FAM210A: variants seen among roughly 807,000 people sequenced by gnomAD.
FAM210A encodes the protein mitochondrial inner membrane scaffold 1.
In FAM210A, 13 loss-of-function variants were observed where a neutral mutation model predicts 25.3. That is an observed-to-expected ratio of 0.51 (90% CI 0.33 to 0.82). The LOEUF is 0.82. Among genes scored for constraint, FAM210A ranks in the 40% least tolerant of loss-of-function variants. The probability of loss-of-function intolerance (pLI) is 0.02; values close to 1 mark genes in which losing one functional copy is unlikely to be tolerated. For synonymous variants in FAM210A, 125 were observed against 118.7 expected, an observed-to-expected ratio of 1.05 and a Z score of -0.35; for missense variants, 319 against 323.2, an observed-to-expected ratio of 0.99 and a Z score of 0.10.
At chr18:13,694,217 A>G (rs2043673819) in intron 1 of FAM210A, among the ~76,000 whole-genome samples, 2 of 152,114 alleles carry the variant, frequency 1.3e-5, no homozygotes, top group South Asian at 4.1e-4. Flanking sequence ...TGCTTAACGA[A>G]ATAAAAGAGG....
intron 3 of FAM210A, among the ~76,000 whole-genome samples, chr18:13,667,020 A>G (rs909024397): frequency 6.6e-6 from 1 of 152,240 alleles, no homozygotes; most frequent in Non-Finnish European, 1.5e-5. Context: ...AATCAGAAAG[A>G]GGACTCAGTA....
intron 1 of FAM210A, among the ~76,000 whole-genome samples, chr18:13,688,387 C>T (rs189599326): frequency 2.0e-5 from 3 of 152,290 alleles, no homozygotes; most frequent in East Asian, 3.9e-4. Flanking sequence ...AGTGGCTGGA[C>T]GTCAGGAAAA....
intron 1 of FAM210A, among the ~76,000 whole-genome samples, chr18:13,702,714 T>G (rs1488142911): frequency 6.6e-6 from 1 of 152,214 alleles, no homozygotes; most frequent in African/African-American, 2.4e-5. Flanking sequence ...CAGTAGCTCA[T>G]GTTTTCTCTT....
Position 13,663,890 on chromosome 18 carries a change from T to TC in FAM210A, c.*2589dup, listed in dbSNP as rs768853352. 4.6e-5 allele frequency: 7 copies of TC among 152,226 alleles called. No individual in the cohort carries two copies. The highest frequency in any genetic ancestry group is 1.0e-4 in the Non-Finnish European group (7 of 68,052). The allele number at this position is 152,226 out of a possible 1,614,324, so 9.4% of individuals were successfully genotyped here. On this transcript the variant is annotated 3_prime_UTR_variant, in exon 4 of 4. Coordinates refer to ENST00000651643, the MANE Select transcript of FAM210A (RefSeq NM_152352.4). Reference sequence around the variant, plus strand: ...GCTGCTTCTGCCGAGCACTCGCAGTTCACAGAGGTTATAGGTGAATTAATC... The same window carrying TC: ...GCTGCTTCTGCCGAGCACTCGCAGTTCCACAGAGGTTATAGGTGAATTAATC...
chr18:13,712,882 T>C (rs1344789002), intron 1 of FAM210A, among the ~76,000 whole-genome samples: 1 of 152,214 alleles, frequency 6.6e-6, no homozygotes, highest in Non-Finnish European at 1.5e-5. Context: ...AGCTGCAGTA[T>C]ACAAAGACTG....
intron 2 of FAM210A, among the ~76,000 whole-genome samples, chr18:13,674,027 A>G (rs868429620): frequency 8.0e-5 from 12 of 150,316 alleles, no homozygotes; most frequent in African/African-American, 2.7e-4. Context: ...CCTGATTATT[A>G]ACATTCCTGA....
At chr18:13,725,687 T>C (rs544160057) in intron 1 of FAM210A, among the ~76,000 whole-genome samples, 163 of 152,324 alleles carry the variant, frequency 1.1e-3, no homozygotes, top group African/African-American at 3.8e-3. Flanking sequence ...TGATCTCAGG[T>C]TGAAAGTCCT....
intron 1 of FAM210A, among the ~76,000 whole-genome samples, chr18:13,684,547 G>A (rs2043580791): frequency 6.6e-6 from 1 of 152,112 alleles, no homozygotes; most frequent in Non-Finnish European, 1.5e-5. Flanking sequence ...TATACCTAAC[G>A]AGAGGATCAA....
rs775389964 is a variant in FAM210A, at chr18:13,671,951, G to C, written c.496C>G (p.Leu166Val). 6.2e-7 allele frequency: 1 copy of C among 1,604,454 alleles called. No individual in the cohort carries two copies. The highest frequency in any genetic ancestry group is 1.1e-5 in the South Asian group (1 of 90,604). Residue 166 changes from leucine (L) to valine (V), a missense_variant, in exon 3 of 4, where the codon CTA becomes GTA. Transcript: ENST00000651643. ...CTGTCAGGTAACCCAATGAGTTCTAGAAAAGGAACGACATTCACTCCTCTA... is the reference window on the plus strand; with the variant it reads ...CTGTCAGGTAACCCAATGAGTTCTACAAAAGGAACGACATTCACTCCTCTA... ...ALKGVNVVPF[L>V]ELIGLPDSVV...
chr18:13,690,619 T>C (rs2149060814), intron 1 of FAM210A, among the ~76,000 whole-genome samples: 1 of 152,348 alleles, frequency 6.6e-6, no homozygotes, highest in Admixed American at 6.5e-5. Flanking sequence ...CTGCAGCCTC[T>C]GCTGGTGATA....
chr18:13,721,940 A>C (rs1289689411), intron 1 of FAM210A, among the ~76,000 whole-genome samples: 3 of 152,150 alleles, frequency 2.0e-5, no homozygotes, highest in Non-Finnish European at 4.4e-5. Context: ...GAAAAAAATT[A>C]ACGGTATAAA....
rs748285475 is a variant in FAM210A, at chr18:13,665,558, T to C, written c.*922A>G. 5 of 152,032 alleles carry C rather than the reference T, an allele frequency of 3.3e-5. No homozygotes were observed. The highest frequency in any genetic ancestry group is 4.4e-5 in the Non-Finnish European group (3 of 68,026). 9.4% of individuals were successfully genotyped at this position (152,032 alleles called of 1,614,324 possible). The stretch of plus-strand genomic sequence containing the variant: ...CACTGGTTTGCTGAGGCAAGGCCCA[T>C]GTCTACCCCAAGGAGTTAGCAGTCT... On this transcript the variant is annotated 3_prime_UTR_variant, in exon 4 of 4. Coordinates refer to ENST00000651643, the MANE Select transcript of FAM210A (RefSeq NM_152352.4).
intron 2 of FAM210A, among the ~76,000 whole-genome samples, chr18:13,680,198 G>A (rs1192818854): frequency 6.6e-6 from 1 of 152,116 alleles, no homozygotes; most frequent in Non-Finnish European, 1.5e-5. Context: ...TACATAGCAG[G>A]ACTGAATGCC....
intron 1 of FAM210A, among the ~76,000 whole-genome samples, chr18:13,711,352 C>T (rs185399873): frequency 3.7e-4 from 56 of 152,250 alleles, no homozygotes; most frequent in East Asian, 3.9e-4. Context: ...GCCTGGGGAA[C>T]AGACAGGCTC....
At chr18:13,725,952 T>C (rs886328299) in intron 1 of FAM210A, among the ~76,000 whole-genome samples, 1 of 152,152 alleles carries the variant, frequency 6.6e-6, no homozygotes, top group Non-Finnish European at 1.5e-5. Context: ...CAGTCCCTAA[T>C]AAGAAATTGC....
intron 1 of FAM210A, among the ~76,000 whole-genome samples, chr18:13,724,479 C>T (rs967936830): frequency 1.3e-5 from 2 of 152,142 alleles, no homozygotes; most frequent in African/African-American, 4.8e-5. Context: ...CTAACCTTGG[C>T]ACCTAAAAGG....
chr18:13,708,297 T>C (rs776932997), intron 1 of FAM210A, among the ~76,000 whole-genome samples: 3 of 152,220 alleles, frequency 2.0e-5, no homozygotes, highest in Non-Finnish European at 4.4e-5. Flanking sequence ...GGTGTCTGGA[T>C]GTCCATGCCC....
chr18:13,688,073 C>G (rs1048821890), intron 1 of FAM210A, among the ~76,000 whole-genome samples: 1 of 152,152 alleles, frequency 6.6e-6, no homozygotes, highest in African/African-American at 2.4e-5. Flanking sequence ...CGATTACTAG[C>G]TTATCTTCCC....
At chr18:13,686,677 C>G (rs1217742973) in intron 1 of FAM210A, among the ~76,000 whole-genome samples, 1 of 152,070 alleles carries the variant, frequency 6.6e-6, no homozygotes, top group African/African-American at 2.4e-5. Context: ...TGAAATGGAC[C>G]AAGTCCTCAA....
Sources: gnomAD v4.1 joint callset for allele counts (sites outside exome capture counted in the v4.1 genomes callset) on GRCh38, gnomAD v4.1.1 for gene constraint, MANE v1.5 for transcripts, NCBI Gene and HGNC (gene_info 2026-07-23, HGNC 2026-07-21) for gene names.